The following LIFR variants were observed in gnomAD, a reference collection of about 807,000 sequenced individuals.
The protein encoded by LIFR is LIF receptor subunit alpha.
LIFR carries 84 observed loss-of-function variants against 122.2 expected under a neutral mutation model. The ratio of observed to expected loss-of-function variants is 0.69; its 90% CI spans 0.58 to 0.82. The LOEUF (loss-of-function observed/expected upper bound fraction) is 0.82, where lower values mean the gene tolerates loss of function less well. LIFR is among the 40% of genes least tolerant of loss of function. LIFR has a pLI of 0.00. For synonymous variants in LIFR, 422 were observed against 434.7 expected (o/e 0.97, Z 0.36); for missense variants, 1,294 against 1,311.6 (o/e 0.99, Z 0.21).
intron 7 of LIFR, among the ~76,000 whole-genome samples, chr5:38,509,315 C>G (rs1745666333): frequency 6.6e-6 from 1 of 152,162 alleles, no homozygotes; most frequent in Non-Finnish European, 1.5e-5. Context: ...AAGTAATTTC[C>G]TAACATTCCA....
chr5:38,477,444 T>A lies in LIFR; in HGVS notation c.*4151A>T, dbSNP rs1274820342. The stretch of plus-strand genomic sequence containing the variant: ...TAAAATAAATGCTTTCAAGAAATAG[T>A]TTATCAAGAGAATGAGTTCTGAATC... On this transcript the variant is annotated 3_prime_UTR_variant, in exon 20 of 20. Transcript: ENST00000453190. The A allele has an allele frequency of 4.7e-6, 1 of 213,938 alleles. No homozygotes were observed. Among genetic ancestry groups the A allele is most frequent in the Non-Finnish European group, 9.4e-6 (1 of 105,940 alleles). 13.3% of individuals were successfully genotyped at this position (213,938 alleles called of 1,614,324 possible).
rs994386769 is a variant in LIFR at position 38,563,032 on chromosome 5, A to G, written c.-20+32229T>C. On this transcript the variant is annotated intron_variant, in intron 1 of 19. Transcript: ENST00000263409. ...TGGGAAAACAAAAGTGGCCATCACT[A>G]TGGCAGCTCTGGCAAACAGGGACAT... 3.3e-5 allele frequency among the ~76,000 whole-genome samples: 5 copies of G among 152,226 alleles called. No homozygotes were observed. The South Asian group carries it at 6.2e-4, about 19-fold the overall frequency.
intron 1 of LIFR, among the ~76,000 whole-genome samples, chr5:38,550,825 C>T (rs1019377030): frequency 1.3e-5 from 2 of 152,176 alleles, no homozygotes; most frequent in African/African-American, 4.8e-5. Flanking sequence ...CTCCTGGATT[C>T]TTCGGCAAAT....
At chr5:38,573,721 T>C (rs1749290370) in intron 1 of LIFR, among the ~76,000 whole-genome samples, 2 of 152,308 alleles carry the variant, frequency 1.3e-5, no homozygotes, top group African/African-American at 4.8e-5. Context: ...AATACTGAAA[T>C]GTAAATTTAC....
intron 2 of LIFR, among the ~76,000 whole-genome samples, chr5:38,603,827 C>T (rs1473475351): frequency 6.6e-6 from 1 of 152,196 alleles, no homozygotes; most frequent in East Asian, 1.9e-4. Context: ...ATGTTTTCTT[C>T]TCTTATTCAT....
At chr5:38,596,335 T>G (rs1411561360), upstream of LIFR, among the ~76,000 whole-genome samples, 1 of 152,218 alleles carries the variant, frequency 6.6e-6, no homozygotes, top group African/African-American at 2.4e-5. Context: ...TTTTAGCTTC[T>G]TATGTGATTC....
chr5:38,520,570 C>T (rs375289243), intron 5 of LIFR, among the ~76,000 whole-genome samples: 1 of 152,046 alleles, frequency 6.6e-6, no homozygotes. Flanking sequence ...TAGTTTCAGT[C>T]TTATGTTTAA....
chr5:38,541,584 T>A (rs1259586673), intron 1 of LIFR, among the ~76,000 whole-genome samples: 1 of 152,206 alleles, frequency 6.6e-6, no homozygotes, highest in Non-Finnish European at 1.5e-5. Flanking sequence ...AGAGTGCTAA[T>A]TCATAGGATG....
At chr5:38,484,714 T>A (rs906050758) in intron 18 of LIFR, 61 bp downstream of exon 18, 8 of 1,104,146 alleles carry the variant, frequency 7.2e-6, no homozygotes, top group Non-Finnish European at 1.1e-5. Context: ...AAACTAATCT[T>A]ACAAATCTTA....
chr5:38,524,544 C>T (rs1265891056), intron 4 of LIFR, among the ~76,000 whole-genome samples: 1 of 152,024 alleles, frequency 6.6e-6, no homozygotes, highest in African/African-American at 2.4e-5. Flanking sequence ...ACGGTTGGTT[C>T]TAATGAAAAA....
At chr5:38,532,583 C>T (rs1561184072) in intron 1 of LIFR, among the ~76,000 whole-genome samples, 1 of 151,296 alleles carries the variant, frequency 6.6e-6, no homozygotes. Flanking sequence ...ACAGAAGGAT[C>T]AACGGCAGTG....
At chr5:38,533,575 G>A (rs1165614670) in intron 1 of LIFR, among the ~76,000 whole-genome samples, 2 of 152,246 alleles carry the variant, frequency 1.3e-5, no homozygotes, top group African/African-American at 2.4e-5. Flanking sequence ...CTTTTCTGCC[G>A]AAGAAAATTA....
chr5:38,551,542 G>T (rs1323325525), intron 1 of LIFR, among the ~76,000 whole-genome samples: 1 of 152,228 alleles, frequency 6.6e-6, no homozygotes, highest in Non-Finnish European at 1.5e-5. Flanking sequence ...TTAAAAGAAG[G>T]TATTGCAAGA....
intron 14 of LIFR, 199 bp from the exon 15 acceptor site, chr5:38,490,490 T>A: frequency 3.1e-6 from 1 of 317,768 alleles, no homozygotes; most frequent in Non-Finnish European, 5.7e-6. Context: ...AATTTACTTC[T>A]ATTTTAACAA....
rs1265557978 is a variant in LIFR, at chr5:38,481,996, C to T, written c.2893G>A (p.Glu965Lys). 10 of 1,614,070 alleles carry T rather than the reference C, an allele frequency of 6.2e-6. No homozygotes were observed. The highest frequency in any genetic ancestry group is 8.5e-6 in the Non-Finnish European group (10 of 1,180,048). The change falls in exon 20 of 20, where the codon GAA (glutamate) becomes AAA (lysine). Residue 965 changes from glutamate to lysine, a missense_variant. Glu to Lys is a moderately conservative substitution (Grantham distance 56, BLOSUM62 1). Transcript: ENST00000453190. ...EEEIPNPAAD[E>K]AGGTAQVIYI... ...ATAACCTGTGCAGTCCCTCCAGCTT[C>T]ATCTGCGGCTGGGTTTGGTATTTCT...
chr5:38,526,967 T>C (rs1289872707), intron 4 of LIFR, among the ~76,000 whole-genome samples, 188 bp downstream of exon 4: 4 of 152,158 alleles, frequency 2.6e-5, no homozygotes, highest in Non-Finnish European at 4.4e-5. Context: ...TTCTGGGCTA[T>C]TTTGACTGGC....
intron 1 of LIFR, among the ~76,000 whole-genome samples, chr5:38,545,810 C>T (rs745675592): frequency 6.2e-5 from 9 of 145,924 alleles, no homozygotes; most frequent in East Asian, 2.0e-4. Flanking sequence ...TGCAGTGAGC[C>T]GAGATCACGC....
At chr5:38,486,973 C>A (rs1444292843) in intron 16 of LIFR, among the ~76,000 whole-genome samples, 2 of 152,166 alleles carry the variant, frequency 1.3e-5, no homozygotes, top group African/African-American at 4.8e-5. Flanking sequence ...CTTTTTCCCT[C>A]ATTTGCTTGA....
At chr5:38,532,785 C>T (rs1002855184) in intron 1 of LIFR, among the ~76,000 whole-genome samples, 2 of 152,136 alleles carry the variant, frequency 1.3e-5, no homozygotes, top group Admixed American at 6.5e-5. Context: ...CAGAGCCTTC[C>T]GAAGTACTTT....
Sources: gnomAD v4.1 joint callset for allele counts (sites outside exome capture counted in the v4.1 genomes callset) on GRCh38, gnomAD v4.1.1 for gene constraint, MANE v1.5 for transcripts, NCBI Gene and HGNC (gene_info 2026-07-23, HGNC 2026-07-21) for gene names.